The following TBC1D9B variants were observed in gnomAD, a reference collection of about 807,000 sequenced individuals.
TBC1D9B encodes the protein TBC1 domain family, member 9B (with GRAM domain).
A neutral mutation model predicts 121.1 loss-of-function variants in TBC1D9B; 87 were observed. The ratio of observed to expected loss-of-function variants is 0.72; its 90% CI spans 0.60 to 0.86. The LOEUF is 0.86. TBC1D9B is among the 40% of genes least tolerant of loss of function. The probability of loss-of-function intolerance (pLI) is 0.00; values close to 1 mark genes in which losing one functional copy is unlikely to be tolerated. For synonymous variants in TBC1D9B, 668 were observed against 670.1 expected, an observed-to-expected ratio of 1.00 and a Z score of 0.05; for missense variants, 1,540 against 1,628.6, an observed-to-expected ratio of 0.95 and a Z score of 0.94.
chr5:179,882,843 A>C (rs2431124), intron 7 of TBC1D9B, among the ~76,000 whole-genome samples: 88,389 of 151,990 alleles, frequency 0.58, 28,459 homozygotes, highest in African/African-American at 0.85. Flanking sequence ...CCAACCCCCA[A>C]CAAAAAGTTA....
rs1392459930 is a variant in TBC1D9B, at chr5:179,890,640, G to A, written c.1044+739C>T. Reference sequence around the variant, plus strand: ...GTGCAAATGGCAGGGAGGTCTTTAAGTTAAGAATCTCACTTGATTCTTCTT... The same window carrying A: ...GTGCAAATGGCAGGGAGGTCTTTAAATTAAGAATCTCACTTGATTCTTCTT... On this transcript the variant is annotated intron_variant, in intron 6 of 20. Transcript: ENST00000355235. This position sits in a 1 kb window ranked among gnomAD's most constrained non-coding sequence, Gnocchi z 5.0. Among the ~76,000 whole-genome samples the A allele has an allele frequency of 2.0e-5, 3 of 152,212 alleles. No homozygotes were observed. Among genetic ancestry groups the A allele is most frequent in the African/African-American group, 7.2e-5 (3 of 41,452 alleles).
At chr5:179,898,277 G>A (rs572511502) in intron 3 of TBC1D9B, among the ~76,000 whole-genome samples, 49 of 151,434 alleles carry the variant, frequency 3.2e-4, no homozygotes, top group Admixed American at 3.3e-4. Context: ...TCAGCCTCCC[G>A]ATTAGCTGGA....
chr5:179,904,561 T>A lies in TBC1D9B; in HGVS notation c.229+141A>T. ...TTTCTAAGATGGAAGCGAAGGCTCCTCCACTTCCCTCTTGCAGCCTTGGGC... is the reference window on the plus strand; with the variant it reads ...TTTCTAAGATGGAAGCGAAGGCTCCACCACTTCCCTCTTGCAGCCTTGGGC... On this transcript the variant is annotated intron_variant, in intron 2 of 20. Transcript: ENST00000355235. The surrounding 1 kb of genome is among the most constrained non-coding windows in gnomAD (Gnocchi z 4.2). The A allele has an allele frequency of 1.3e-6, 1 of 755,582 alleles. No homozygotes were observed. The highest frequency in any genetic ancestry group is 1.7e-5 in the South Asian group (1 of 58,244). The allele number at this position is 755,582 out of a possible 1,614,324, so 46.8% of individuals were successfully genotyped here. A position where few individuals can be genotyped will look rare whatever the true frequency, so the allele number is the denominator to read the frequency against.
chr5:179,878,654 G>A (rs1760434906), intron 9 of TBC1D9B, 131 bp from the exon 10 acceptor site: 1 of 933,344 alleles, frequency 1.1e-6, no homozygotes, highest in Non-Finnish European at 1.6e-6. Context: ...AAGCTGCGAG[G>A]CAAGGTTTCC....
chr5:179,864,978 G>A (rs905119638), intron 20 of TBC1D9B, among the ~76,000 whole-genome samples: 6 of 152,254 alleles, frequency 3.9e-5, no homozygotes, highest in East Asian at 1.9e-4. Context: ...GGTGTGGAAC[G>A]CATATCTTGT....
chr5:179,862,703 G>T lies in TBC1D9B; in HGVS notation c.*745C>A. The stretch of plus-strand genomic sequence containing the variant: ...GGAGAAGTTGGGAGGCCTAAGCAGT[G>T]GTTGGGGGCCACAGCAAGGCATTGC... On this transcript the variant is annotated 3_prime_UTR_variant, in exon 21 of 21. Transcript: ENST00000355235. The T allele has an allele frequency of 2.3e-6, 1 of 427,978 alleles. No homozygotes were observed. The highest frequency in any genetic ancestry group is 1.6e-5 in the South Asian group (1 of 63,442). 26.5% of individuals were successfully genotyped at this position (427,978 alleles called of 1,614,324 possible). A position where few individuals can be genotyped will look rare whatever the true frequency, so the allele number is the denominator to read the frequency against.
intron 14 of TBC1D9B, 27 bp downstream of exon 14, chr5:179,872,865 C>A: frequency 6.3e-7 from 1 of 1,582,940 alleles, no homozygotes; most frequent in South Asian, 1.1e-5. Context: ...CAGCCCAGCC[C>A]CTGCCCAGCC....
chr5:179,876,077 T>C (rs1760352967), intron 10 of TBC1D9B, 40 bp from the exon 11 acceptor site: 1 of 1,566,132 alleles, frequency 6.4e-7, no homozygotes, highest in Non-Finnish European at 8.7e-7. Context: ...CTTGCACTGC[T>C]GGCCAGCAAA....
intron 7 of TBC1D9B, 103 bp downstream of exon 7, chr5:179,888,000 C>G: frequency 6.9e-7 from 1 of 1,449,772 alleles, no homozygotes. Flanking sequence ...AGGCGGAGGC[C>G]CACAGCCGGA....
chr5:179,870,975 G>A (rs901334376), intron 15 of TBC1D9B, among the ~76,000 whole-genome samples: 1 of 152,222 alleles, frequency 6.6e-6, no homozygotes. Flanking sequence ...CATTAAGGCT[G>A]GGTCTTTTGC....
intron 10 of TBC1D9B, among the ~76,000 whole-genome samples, chr5:179,877,714 G>A (rs1760401526): frequency 6.6e-6 from 1 of 150,688 alleles, no homozygotes; most frequent in Admixed American, 6.6e-5. Flanking sequence ...TGTGGTCTAT[G>A]TAATATGATG....
At chr5:179,888,338 G>T (rs573912825) in intron 6 of TBC1D9B, 26 bp from the exon 7 acceptor site, 37 of 1,609,528 alleles carry the variant, frequency 2.3e-5, no homozygotes, top group Middle Eastern at 1.7e-4. Context: ...AACTCTTTTG[G>T]GTGTCTGCAT....
Position 179,865,135 on chromosome 5 carries a change from G to T in TBC1D9B, c.3021+119C>A. ...GCAACCAGGACTAACGGGCTCTAGAGGCAGGGAGGAGCCTTCCCACCCACC... is the reference window on the plus strand; with the variant it reads ...GCAACCAGGACTAACGGGCTCTAGATGCAGGGAGGAGCCTTCCCACCCACC... On this transcript the variant is annotated intron_variant, in intron 20 of 20. Coordinates refer to ENST00000355235, the MANE Select transcript of TBC1D9B (RefSeq NM_015043.4). This position sits in a 1 kb window ranked among gnomAD's most constrained non-coding sequence, Gnocchi z 5.1. The T allele has an allele frequency of 1.1e-6, 1 of 928,682 alleles. No individual in the cohort carries two copies. The highest frequency in any genetic ancestry group is 1.7e-6 in the Non-Finnish European group (1 of 584,200). The allele number at this position is 928,682 out of a possible 1,614,324, so 57.5% of individuals were successfully genotyped here. A position where few individuals can be genotyped will look rare whatever the true frequency, so the allele number is the denominator to read the frequency against.
At chr5:179,876,707 C>T (rs755250589) in intron 10 of TBC1D9B, among the ~76,000 whole-genome samples, 6 of 152,092 alleles carry the variant, frequency 3.9e-5, no homozygotes, top group African/African-American at 7.2e-5. Flanking sequence ...AAATCGGAAC[C>T]CTTGTGAACT....
intron 7 of TBC1D9B, among the ~76,000 whole-genome samples, chr5:179,883,255 C>T (rs577840249): frequency 6.6e-6 from 1 of 152,156 alleles, no homozygotes; most frequent in African/African-American, 2.4e-5. Flanking sequence ...TTCAATGTGT[C>T]CTTCCACTAT....
intron 7 of TBC1D9B, among the ~76,000 whole-genome samples, chr5:179,882,757 C>G (rs1251763910): frequency 6.6e-6 from 1 of 152,124 alleles, no homozygotes; most frequent in Non-Finnish European, 1.5e-5. Context: ...GCCTGAGGCA[C>G]AAGACTGCTT....
At chr5:179,871,612 G>A (rs892006661) in intron 14 of TBC1D9B, 82 bp from the exon 15 acceptor site, 46 of 1,449,016 alleles carry the variant, frequency 3.2e-5, no homozygotes, top group Non-Finnish European at 3.7e-5. Context: ...GAGCATCCTC[G>A]GCAGACAAGG....
Position 179,904,765 on chromosome 5 carries a change from C to G in TBC1D9B, c.166G>C (p.Val56Leu), listed in dbSNP as rs370195814. The G allele has an allele frequency of 1.2e-5, 19 of 1,578,302 alleles. No homozygotes were observed. The highest frequency in any genetic ancestry group is 1.6e-5 in the Non-Finnish European group (19 of 1,162,324). ...LDVVLDSSAR[V>L]APYRILHQTQ... ...TGGTGCAGGATGCGGTAAGGGGCCA[C>G]GCGGGCACTGGAGTCCAGCACCACG... is the stretch of plus-strand genomic sequence containing the variant. The change falls in exon 2 of 21, where the codon GTG (valine) becomes CTG (leucine). Residue 56 changes from valine to leucine, a missense_variant. By Grantham distance (32) the Val-to-Leu change is conservative (BLOSUM62 1). Coordinates refer to ENST00000355235, the MANE Select transcript of TBC1D9B (RefSeq NM_015043.4). The surrounding 1 kb of genome is among the most constrained non-coding windows in gnomAD (Gnocchi z 4.2).
rs1161426341 is a variant in TBC1D9B, at chr5:179,863,790, G to A, written c.3360C>T (p.Gly1120=). The change falls in exon 21 of 21, where the codon GGC becomes GGT. Residue 1120 remains glycine, a synonymous_variant. Transcript: ENST00000355235. This position sits in a 1 kb window ranked among gnomAD's most constrained non-coding sequence, Gnocchi z 4.5. ...VVEGGSGEGQ[G]SPSQLLSDDE... Reference sequence around the variant, plus strand: ...CGTCAGACAGCAGCTGGGAGGGTGAGCCCTGTCCCTCGCCGCTGCCCCCCT... The same window carrying A: ...CGTCAGACAGCAGCTGGGAGGGTGAACCCTGTCCCTCGCCGCTGCCCCCCT... The A allele has an allele frequency of 6.2e-7, 1 of 1,613,678 alleles. No individual in the cohort carries two copies.
Sources: gnomAD v4.1 joint callset for allele counts (sites outside exome capture counted in the v4.1 genomes callset) on GRCh38, gnomAD v4.1.1 for gene constraint, Gnocchi (gnomAD v3.1) non-coding constraint, MANE v1.5 for transcripts, NCBI Gene and HGNC (gene_info 2026-07-23, HGNC 2026-07-21) for gene names.